STEAP2: variants seen among roughly 807,000 people sequenced by gnomAD.
The protein encoded by STEAP2 is STEAP2 metalloreductase.
Under a neutral mutation model 46.4 loss-of-function variants are expected in STEAP2, and 30 were observed. That is an observed-to-expected ratio of 0.65 (90% CI 0.48 to 0.88). The LOEUF (loss-of-function observed/expected upper bound fraction) is 0.88, where lower values mean the gene tolerates loss of function less well. STEAP2 is among the 40% of genes least tolerant of loss of function. The pLI, the probability that STEAP2 is intolerant of heterozygous loss-of-function variation, is 0.00. For missense variants in STEAP2, 513 were observed against 579.3 expected (o/e 0.89, Z 1.18); for synonymous variants, 180 against 200.5 (o/e 0.90, Z 0.86).
intron 4 of STEAP2, among the ~76,000 whole-genome samples, chr7:90,228,582 GCTCTACC>G (rs1278027933): frequency 9.9e-5 from 15 of 152,136 alleles, no homozygotes; most frequent in Admixed American, 9.8e-4. Context: ...GACTTACCCT[GCTCTACC>G]TTTCTTTTTT....
chr7:90,237,147 A>C lies in STEAP2; in HGVS notation c.*4523A>C. On this transcript the variant is annotated 3_prime_UTR_variant, in exon 6 of 6. Coordinates refer to ENST00000394621, the MANE Select transcript of STEAP2 (RefSeq NM_001244944.2). Reference sequence around the variant, plus strand: ...CTGGCAGCTGTCTCCAGAGGATCAAAGCCACACCCAAAGAGTAAGGCAGAT... The same window carrying C: ...CTGGCAGCTGTCTCCAGAGGATCAACGCCACACCCAAAGAGTAAGGCAGAT... The C allele has an allele frequency of 1.8e-6, 1 of 548,884 alleles. No homozygotes were observed. The highest frequency in any genetic ancestry group is 3.1e-6 in the Non-Finnish European group (1 of 319,856). 34.0% of individuals were successfully genotyped at this position (548,884 alleles called of 1,614,324 possible).
At position 90,236,869 on chromosome 7, in the gene STEAP2, T is replaced by A. The variant is rs996729733; in HGVS notation, c.*4245T>A. 6.2e-7 allele frequency: 1 copy of A among 1,613,324 alleles called. No homozygotes were observed. The highest frequency in any genetic ancestry group is 1.3e-5 in the African/African-American group (1 of 74,902). On this transcript the variant is annotated 3_prime_UTR_variant, in exon 6 of 6. Transcript: ENST00000394621. ...CAAATTGCCAACTTTAAGGAAATAT[T>A]CTCTTGAAATTGTCTTTAAAGATCT...
intron 2 of STEAP2, among the ~76,000 whole-genome samples, chr7:90,217,519 T>C (rs956533488): frequency 2.6e-5 from 4 of 152,150 alleles, no homozygotes; most frequent in Admixed American, 1.3e-4. Context: ...ATATTTGCCT[T>C]TCTGTGCCTG....
chr7:90,217,168 G>A (rs1327600362), intron 2 of STEAP2, among the ~76,000 whole-genome samples: 2 of 152,224 alleles, frequency 1.3e-5, no homozygotes, highest in Non-Finnish European at 2.9e-5. Flanking sequence ...GGGTACACAT[G>A]AGTATTTGTT....
rs746998147 is a variant in STEAP2 at position 90,236,845 on chromosome 7, A to G, written c.*4221A>G. On this transcript the variant is annotated 3_prime_UTR_variant, in exon 6 of 6. Coordinates refer to ENST00000394621, the MANE Select transcript of STEAP2 (RefSeq NM_001244944.2). ...AAGCAGATGCTTTTGTATGATCTCCAAATTGCCAACTTTAAGGAAATATTC... is the reference window on the plus strand; with the variant it reads ...AAGCAGATGCTTTTGTATGATCTCCGAATTGCCAACTTTAAGGAAATATTC... 1 of 1,610,924 alleles carries G rather than the reference A, an allele frequency of 6.2e-7. No homozygotes were observed. The highest frequency in any genetic ancestry group is 8.5e-7 in the Non-Finnish European group (1 of 1,178,594).
At chr7:90,222,274 CT>C (rs1795284423) in intron 2 of STEAP2, among the ~76,000 whole-genome samples, 3 of 152,026 alleles carry the variant, frequency 2.0e-5, no homozygotes, top group Admixed American at 1.3e-4. Context: ...AGTGGTCTAT[CT>C]TGAAAGGTGT....
rs1040724786 is a variant in STEAP2, at chr7:90,218,146, C to T, written c.-34+1543C>T. Among the ~76,000 whole-genome samples the T allele has an allele frequency of 5.9e-5, 9 of 151,940 alleles. No homozygotes were observed. In the South Asian group the frequency reaches 6.2e-4, roughly 11 times the overall value. ...TTTTTATTGTCAGTTGTTTGAGTTC[C>T]TTGTATATTCTGAATATTAGTCCCT... is the stretch of plus-strand genomic sequence containing the variant. On this transcript the variant is annotated intron_variant, in intron 2 of 5. Coordinates refer to ENST00000394621, the MANE Select transcript of STEAP2 (RefSeq NM_001244944.2).
rs1470231441 is a variant in STEAP2 at position 90,237,082 on chromosome 7, C to T, written c.*4458C>T. The T allele has an allele frequency of 2.4e-5, 22 of 922,830 alleles. No homozygotes were observed. The highest frequency in any genetic ancestry group is 2.2e-4 in the Middle Eastern group (1 of 4,578). 57.2% of individuals were successfully genotyped at this position (922,830 alleles called of 1,614,324 possible). On this transcript the variant is annotated 3_prime_UTR_variant, in exon 6 of 6. Transcript: ENST00000394621. ...AAGGCAGCATGTGTCCTTTTTCATCCCTTCATCTTGCTGCTGGGATTGTGG... is the reference window on the plus strand; with the variant it reads ...AAGGCAGCATGTGTCCTTTTTCATCTCTTCATCTTGCTGCTGGGATTGTGG...
In STEAP2 at chr7:90,233,416, T is replaced by A. The variant is rs1044864973; in HGVS notation, c.*792T>A. On this transcript the variant is annotated 3_prime_UTR_variant, in exon 6 of 6. Coordinates refer to ENST00000394621, the MANE Select transcript of STEAP2 (RefSeq NM_001244944.2). ...TACGGTACCAATCCTAGGAACTGTA[T>A]ACTAGTTCCTACTTAGAACAAAAGT... 1.3e-5 allele frequency: 13 copies of A among 985,032 alleles called. No individual in the cohort carries two copies. The highest frequency in any genetic ancestry group is 1.2e-4 in the Admixed American group (2 of 16,270). The allele number at this position is 985,032 out of a possible 1,614,324, so 61.0% of individuals were successfully genotyped here.
intron 4 of STEAP2, among the ~76,000 whole-genome samples, chr7:90,229,655 G>A (rs1402457911): frequency 6.6e-6 from 1 of 152,150 alleles, no homozygotes; most frequent in Non-Finnish European, 1.5e-5. Context: ...CAAGGAAAGA[G>A]AAAGTTTTGT....
chr7:90,242,759 G>A (rs1413990519), downstream of STEAP2, among the ~76,000 whole-genome samples: 1 of 152,186 alleles, frequency 6.6e-6, no homozygotes, highest in Admixed American at 6.5e-5. Flanking sequence ...GATGTAATAA[G>A]GCCTAAGAAT....
chr7:90,224,201 G>A (rs1187794528), intron 2 of STEAP2, among the ~76,000 whole-genome samples: 1 of 152,084 alleles, frequency 6.6e-6, no homozygotes, highest in Non-Finnish European at 1.5e-5. Context: ...TGAATCCAGA[G>A]GCAAGGTTCA....
chr7:90,221,793 G>T (rs1763038431), intron 2 of STEAP2, among the ~76,000 whole-genome samples: 1 of 152,250 alleles, frequency 6.6e-6, no homozygotes, highest in South Asian at 2.1e-4. Flanking sequence ...AGAATGACCA[G>T]TCACCTATAA....
At position 90,234,366 on chromosome 7, in the gene STEAP2, C is replaced by G; in HGVS notation, c.*1742C>G. On this transcript the variant is annotated 3_prime_UTR_variant, in exon 6 of 6. Coordinates refer to ENST00000394621, the MANE Select transcript of STEAP2 (RefSeq NM_001244944.2). ...TGCGTTCCTCTTCCTGAAATTATAA[C>G]ATTTCTAAACTTACCCACGTAGGTA... 1.0e-6 allele frequency: 1 copy of G among 985,102 alleles called. No homozygotes were observed. Among genetic ancestry groups the G allele is most frequent in the Non-Finnish European group, 1.2e-6 (1 of 829,850 alleles). The allele number at this position is 985,102 out of a possible 1,614,324, so 61.0% of individuals were successfully genotyped here.
intron 5 of STEAP2, among the ~76,000 whole-genome samples, chr7:90,231,857 C>G (rs980123191): frequency 1.3e-5 from 2 of 151,912 alleles, no homozygotes; most frequent in African/African-American, 4.8e-5. Context: ...GATGTTTTGA[C>G]CAATAATCCT....
At chr7:90,238,082 C>A (rs1483552073), downstream of STEAP2, 1 of 717,454 alleles carries the variant, frequency 1.4e-6, no homozygotes, top group Non-Finnish European at 2.6e-6. Flanking sequence ...CTTCCTCATG[C>A]CTTGCCTCCT....
downstream of STEAP2, chr7:90,237,948 C>G: frequency 1.7e-6 from 1 of 601,940 alleles, no homozygotes; most frequent in South Asian, 2.1e-5. Context: ...TCCCCAGTAT[C>G]TAGTATAATG....
rs1795936948 is a variant in STEAP2 at position 90,235,610 on chromosome 7, C to T, written c.*2986C>T. 2.1e-6 allele frequency: 2 copies of T among 934,816 alleles called. No individual in the cohort carries two copies. The highest frequency in any genetic ancestry group is 4.3e-5 in the African/African-American group (2 of 46,932). 57.9% of individuals were successfully genotyped at this position (934,816 alleles called of 1,614,324 possible). On this transcript the variant is annotated 3_prime_UTR_variant, in exon 6 of 6. Coordinates refer to ENST00000394621, the MANE Select transcript of STEAP2 (RefSeq NM_001244944.2). The stretch of plus-strand genomic sequence containing the variant: ...TGTAGAAAAGATACTCAGTCTTAAT[C>T]CTATGCAAAAAAAAAAATCAAGTAA...
Position 90,236,258 on chromosome 7 carries a change from A to T in STEAP2, c.*3634A>T, listed in dbSNP as rs1795957548. On this transcript the variant is annotated 3_prime_UTR_variant, in exon 6 of 6. Coordinates refer to ENST00000394621, the MANE Select transcript of STEAP2 (RefSeq NM_001244944.2). The stretch of plus-strand genomic sequence containing the variant: ...GTGGTATTTTAAATAAAGTATCATA[A>T]ATGTAATAAGTAAATATTTATTTAG... The T allele has an allele frequency of 1.1e-6, 1 of 899,192 alleles. No homozygotes were observed. The highest frequency in any genetic ancestry group is 1.3e-6 in the Non-Finnish European group (1 of 751,754). The allele number at this position is 899,192 out of a possible 1,614,324, so 55.7% of individuals were successfully genotyped here.
Sources: gnomAD v4.1 joint callset for allele counts (sites outside exome capture counted in the v4.1 genomes callset) on GRCh38, gnomAD v4.1.1 for gene constraint, MANE v1.5 for transcripts, NCBI Gene and HGNC (gene_info 2026-07-23, HGNC 2026-07-21) for gene names.